Variants in UBA2 observed in about 807,000 individuals in gnomAD.
UBA2 encodes the protein ubiquitin like modifier activating enzyme 2, also known as SUMO-activating enzyme subunit 2.
Under a neutral mutation model 77.2 loss-of-function variants are expected in UBA2, and 11 were observed. The ratio of observed to expected loss-of-function variants is 0.14; its 90% CI spans 0.09 to 0.24. The LOEUF (loss-of-function observed/expected upper bound fraction) is 0.24. Ranked by LOEUF, UBA2 falls within the 10% of genes least tolerant of loss-of-function variation. UBA2 has a pLI of 1.00. For synonymous variants in UBA2, 278 were observed against 276.7 expected, an observed-to-expected ratio of 1.00 and a Z score of -0.05; for missense variants, 487 against 781.7, an observed-to-expected ratio of 0.62 and a Z score of 4.50.
intron 12 of UBA2, among the ~76,000 whole-genome samples, chr19:34,458,517 C>T (rs370239818): frequency 2.4e-5 from 3 of 124,248 alleles, no homozygotes; most frequent in Admixed American, 1.1e-4. Flanking sequence ...GCCGAGATTG[C>T]GCCACTGCAC....
chr19:34,455,079 A>G (rs1419572145), intron 12 of UBA2, among the ~76,000 whole-genome samples: 1 of 152,138 alleles, frequency 6.6e-6, no homozygotes, highest in East Asian at 1.9e-4. Flanking sequence ...GTGTCTGGTA[A>G]TTCTTTAGGG....
chr19:34,465,650 A>AG (rs1359139737), intron 15 of UBA2, among the ~76,000 whole-genome samples: 1 of 151,510 alleles, frequency 6.6e-6, no homozygotes, highest in Non-Finnish European at 1.5e-5. Context: ...AAAAAAAAAA[A>AG]AATGACAGGA....
chr19:34,455,833 G>T (rs1184608708), intron 12 of UBA2, among the ~76,000 whole-genome samples: 2 of 151,952 alleles, frequency 1.3e-5, no homozygotes, highest in African/African-American at 4.8e-5. Context: ...AGTAGAGACG[G>T]GTTTCACTAT....
chr19:34,462,645 G>A (rs2075644004), intron 14 of UBA2, among the ~76,000 whole-genome samples: 1 of 152,082 alleles, frequency 6.6e-6, no homozygotes, highest in Admixed American at 6.6e-5. Context: ...CAAAAAAAAA[G>A]TGGGGGGAGA....
intron 9 of UBA2, among the ~76,000 whole-genome samples, chr19:34,450,742 C>CTTTTTTTTTTTTTTTTTTTT (rs59580124): frequency 1.4e-4 from 12 of 83,430 alleles, no homozygotes; most frequent in East Asian, 4.3e-4. Flanking sequence ...TTATGTATAT[C>CTTTTTTTTTTTTTTTTTTTT]TTTTTTTTTT....
At chr19:34,454,155 G>C (rs944102853) in intron 10 of UBA2, 105 bp from the exon 11 acceptor site, 20 of 1,038,924 alleles carry the variant, frequency 1.9e-5, no homozygotes, top group Non-Finnish European at 2.4e-5. Context: ...TGTTCTAGTC[G>C]AAAGTCTATA....
At chr19:34,438,428 C>T (rs931104812) in intron 5 of UBA2, among the ~76,000 whole-genome samples, 2 of 152,134 alleles carry the variant, frequency 1.3e-5, no homozygotes, top group South Asian at 2.1e-4. Context: ...AACCAGGAGT[C>T]GGCGTCCTGG....
intron 1 of UBA2, 63 bp from the exon 2 acceptor site, chr19:34,430,513 G>A: frequency 1.6e-6 from 2 of 1,261,554 alleles, no homozygotes; most frequent in South Asian, 2.6e-5. Context: ...GGTGCTGAGA[G>A]TAGTGATACA....
chr19:34,434,786 T>TA (rs1428034546), intron 4 of UBA2, 82 bp from the exon 5 acceptor site: 21 of 1,005,984 alleles, frequency 2.1e-5, no homozygotes, highest in Non-Finnish European at 2.9e-5. Flanking sequence ...GCCAGTAAGA[T>TA]AGTTTTGAGT....
At chr19:34,442,350 A>T (rs897405861) in intron 6 of UBA2, among the ~76,000 whole-genome samples, 1 of 152,244 alleles carries the variant, frequency 6.6e-6, no homozygotes, top group African/African-American at 2.4e-5. Flanking sequence ...TGGAAAATTA[A>T]GTATAAGACC....
At chr19:34,454,916 A>G (rs1186061201) in intron 12 of UBA2, among the ~76,000 whole-genome samples, 1 of 152,192 alleles carries the variant, frequency 6.6e-6, no homozygotes, top group African/African-American at 2.4e-5. Context: ...TCATTCTCCT[A>G]TTGAGTCATT....
At chr19:34,457,741 G>C (rs576626699) in intron 12 of UBA2, among the ~76,000 whole-genome samples, 1 of 152,186 alleles carries the variant, frequency 6.6e-6, no homozygotes, top group Non-Finnish European at 1.5e-5. Context: ...GTAGTCACAA[G>C]ATAAAGGTTT....
chr19:34,453,954 G>A (rs528548204), intron 10 of UBA2, among the ~76,000 whole-genome samples: 2 of 152,178 alleles, frequency 1.3e-5, no homozygotes, highest in African/African-American at 2.4e-5. Flanking sequence ...TTGAGATTCC[G>A]GTGTATACAA....
At chr19:34,435,005 T>A in intron 5 of UBA2, 37 bp downstream of exon 5, 1 of 1,352,980 alleles carries the variant, frequency 7.4e-7, no homozygotes, top group Non-Finnish European at 1.0e-6. Context: ...TTCCCAAATA[T>A]TTATTTGAGA....
chr19:34,455,049 A>C (rs1272005882), intron 12 of UBA2, among the ~76,000 whole-genome samples: 1 of 152,162 alleles, frequency 6.6e-6, no homozygotes, highest in Non-Finnish European at 1.5e-5. Context: ...TTTTTTAAAA[A>C]CTGAATGTGT....
chr19:34,446,559 G>A (rs111701841), intron 8 of UBA2, among the ~76,000 whole-genome samples: 64 of 150,082 alleles, frequency 4.3e-4, no homozygotes, highest in African/African-American at 1.5e-3. Flanking sequence ...CTTGTATTTC[G>A]TCTTATTTCC....
Position 34,432,141 on chromosome 19 carries a change from A to G in UBA2, c.293+210A>G, listed in dbSNP as rs535740244. On this transcript the variant is annotated intron_variant, in intron 3 of 16. Coordinates refer to ENST00000246548, the MANE Select transcript of UBA2 (RefSeq NM_005499.3). The stretch of plus-strand genomic sequence containing the variant: ...ATGGTGAGATAGTTTAATACTTTTA[A>G]TAAATAAGTTACTTGGAAATTTATA... 4.2e-5 allele frequency: 15 copies of G among 359,864 alleles called. No homozygotes were observed. In the East Asian group the frequency reaches 6.0e-4, roughly 14 times the overall value. The allele number at this position is 359,864 out of a possible 1,614,324, so 22.3% of individuals were successfully genotyped here.
chr19:34,441,051 A>G (rs561038941), intron 6 of UBA2, among the ~76,000 whole-genome samples: 16 of 152,284 alleles, frequency 1.1e-4, no homozygotes, highest in African/African-American at 3.4e-4. Context: ...AATGTCATTC[A>G]CTCATTAGGA....
chr19:34,460,735 T>C (rs1269841683), intron 14 of UBA2, among the ~76,000 whole-genome samples, 169 bp downstream of exon 14: 1 of 152,204 alleles, frequency 6.6e-6, no homozygotes, highest in Admixed American at 6.5e-5. Context: ...CACACTTCCA[T>C]GTTTGGGAAC....
Sources: allele counts gnomAD v4.1 joint callset (sites outside exome capture counted in the v4.1 genomes callset), GRCh38; gene constraint gnomAD v4.1.1; transcripts MANE v1.5; gene names NCBI Gene and HGNC (gene_info 2026-07-23, HGNC 2026-07-21).